KCNB2: variants seen among roughly 807,000 people sequenced by gnomAD.
KCNB2 encodes the protein potassium voltage-gated channel subfamily B member 2.
KCNB2 carries 15 observed loss-of-function variants against 61.5 expected under a neutral mutation model. That is an observed-to-expected ratio of 0.24 (90% CI 0.16 to 0.38). The LOEUF (loss-of-function observed/expected upper bound fraction) is 0.38. Among genes scored for constraint, KCNB2 ranks in the 10% least tolerant of loss-of-function variants. KCNB2 has a pLI of 1.00. For synonymous variants in KCNB2, 457 were observed against 446.0 expected, an observed-to-expected ratio of 1.02 and a Z score of -0.31; for missense variants, 828 against 1,125.2, an observed-to-expected ratio of 0.74 and a Z score of 3.78.
rs538105341 is a variant in KCNB2 at position 72,899,650 on chromosome 8, C to A, written c.580-36285C>A. Among the ~76,000 whole-genome samples the A allele has an allele frequency of 3.5e-5, 5 of 142,744 alleles. No homozygotes were observed. The South Asian group carries it at 1.1e-3, about 31-fold the overall frequency. 93.6% of individuals were successfully genotyped at this position (142,744 alleles called of 152,430 possible). On this transcript the variant is annotated intron_variant, in intron 2 of 2. Coordinates refer to ENST00000523207, the MANE Select transcript of KCNB2 (RefSeq NM_004770.3). Reference sequence around the variant, plus strand: ...CAATAGCCACAAAAGAATTGAAATACCTAGGAATATAGCTAACTAAAGGAG... The same window carrying A: ...CAATAGCCACAAAAGAATTGAAATAACTAGGAATATAGCTAACTAAAGGAG...
intron 2 of KCNB2, among the ~76,000 whole-genome samples, chr8:72,605,437 G>A (rs941405928): frequency 2.0e-5 from 3 of 152,084 alleles, no homozygotes; most frequent in African/African-American, 7.2e-5. Context: ...TTTTAACTAC[G>A]GGGAAAACCA....
At chr8:72,893,974 T>C (rs1462287769) in intron 2 of KCNB2, among the ~76,000 whole-genome samples, 1 of 152,194 alleles carries the variant, frequency 6.6e-6, no homozygotes, top group East Asian at 1.9e-4. Context: ...CCAAGCACTG[T>C]TCTGGGCACA....
intron 2 of KCNB2, among the ~76,000 whole-genome samples, chr8:72,675,517 G>A (rs1806638843): frequency 7.7e-6 from 1 of 130,268 alleles, no homozygotes; most frequent in East Asian, 2.1e-4. Flanking sequence ...ATCTGCAGTC[G>A]GATTTTTTTT....
intron 2 of KCNB2, among the ~76,000 whole-genome samples, chr8:72,933,079 G>A (rs1351741958): frequency 2.6e-5 from 4 of 152,164 alleles, no homozygotes; most frequent in African/African-American, 7.2e-5. Context: ...TTTCTTTAAC[G>A]TGAATATGGA....
chr8:72,785,989 CA>C (rs1808840096), intron 2 of KCNB2, among the ~76,000 whole-genome samples: 1 of 144,424 alleles, frequency 6.9e-6, no homozygotes, highest in African/African-American at 2.6e-5. Context: ...ACAGAAAGGT[CA>C]ATAGTTCTCT....
intron 2 of KCNB2, among the ~76,000 whole-genome samples, chr8:72,744,077 C>T (rs147934191): frequency 1.1e-4 from 16 of 151,922 alleles, no homozygotes; most frequent in African/African-American, 3.6e-4. Flanking sequence ...AAAAAGAAAC[C>T]AGCCTTTTAT....
chr8:72,584,466 T>C (rs1806965036), intron 2 of KCNB2, among the ~76,000 whole-genome samples: 1 of 152,116 alleles, frequency 6.6e-6, no homozygotes, highest in Non-Finnish European at 1.5e-5. Flanking sequence ...TGTTTGATTA[T>C]GGAACAGAGA....
intron 2 of KCNB2, among the ~76,000 whole-genome samples, chr8:72,902,427 G>T (rs1159979812): frequency 6.6e-6 from 1 of 152,044 alleles, no homozygotes; most frequent in African/African-American, 2.4e-5. Flanking sequence ...GTCATAGCAG[G>T]GTCCTGGTGG....
At chr8:72,900,999 C>T (rs1279329472) in intron 2 of KCNB2, among the ~76,000 whole-genome samples, 1 of 152,110 alleles carries the variant, frequency 6.6e-6, no homozygotes, top group Non-Finnish European at 1.5e-5. Context: ...TGGGTATATA[C>T]CCAAATAAAT....
rs1806499221 is a variant in KCNB2, at chr8:72,920,475, A to ATATATATATATGTGTGTG, written c.580-15449_580-15448insGTGTGTGTATATATATAT. On this transcript the variant is annotated intron_variant, in intron 2 of 2. Transcript: ENST00000523207. ...TATCTATCTATCTATCTATCTATCT[A>ATATATATATATGTGTGTG]TATATATATATATTAGCTGGCCATG... 3.4e-4 allele frequency among the ~76,000 whole-genome samples: 20 copies of ATATATATATATGTGTGTG among 58,344 alleles called. 4 individuals are homozygous for ATATATATATATGTGTGTG. Among genetic ancestry groups the ATATATATATATGTGTGTG allele is most frequent in the Non-Finnish European group, 5.2e-4 (12 of 23,006 alleles). The allele number at this position is 58,344 out of a possible 152,430, so 38.3% of individuals were successfully genotyped here.
At chr8:72,661,990 T>C (rs990017933) in intron 2 of KCNB2, among the ~76,000 whole-genome samples, 1 of 152,254 alleles carries the variant, frequency 6.6e-6, no homozygotes, top group Non-Finnish European at 1.5e-5. Flanking sequence ...ACTAAAGGCC[T>C]CAAATTTCTT....
intron 2 of KCNB2, among the ~76,000 whole-genome samples, chr8:72,787,143 A>G (rs1808856220): frequency 6.6e-6 from 1 of 152,082 alleles, no homozygotes; most frequent in African/African-American, 2.4e-5. Flanking sequence ...AACAGGAAAC[A>G]CTCCATGAAA....
intron 2 of KCNB2, among the ~76,000 whole-genome samples, chr8:72,600,489 T>A (rs893612989): frequency 2.0e-5 from 3 of 152,016 alleles, no homozygotes; most frequent in Non-Finnish European, 4.4e-5. Flanking sequence ...ATATACCTAA[T>A]GCTAAATGAC....
intron 1 of KCNB2, among the ~76,000 whole-genome samples, chr8:72,561,723 A>ATATATC (rs1285487848): frequency 6.3e-5 from 2 of 31,774 alleles, no homozygotes; most frequent in Admixed American, 4.3e-4. Flanking sequence ...ATATATATAT[A>ATATATC]TATATCTATA....
intron 2 of KCNB2, among the ~76,000 whole-genome samples, chr8:72,739,503 A>G (rs993233795): frequency 2.6e-5 from 4 of 152,040 alleles, no homozygotes; most frequent in Non-Finnish European, 4.4e-5. Context: ...AAGACTTCTT[A>G]GAGGAGAAAA....
chr8:72,706,927 T>C (rs981524456), intron 2 of KCNB2, among the ~76,000 whole-genome samples: 1 of 152,254 alleles, frequency 6.6e-6, no homozygotes, highest in African/African-American at 2.4e-5. Flanking sequence ...TGACTGGTTC[T>C]CTGCTGAATT....
Position 72,830,227 on chromosome 8 carries a change from CAAAAAA to C in KCNB2, c.580-105690_580-105685del, listed in dbSNP as rs543474001. ...AGCTGAAAAATGTCTTCATATTTTC[CAAAAAA>C]AAAAAAAAAAAAAAAAAGCAGGGAG... On this transcript the variant is annotated intron_variant, in intron 2 of 2. Transcript: ENST00000523207. 3.0e-3 allele frequency among the ~76,000 whole-genome samples: 251 copies of C among 83,452 alleles called. 1 individual carries two copies. The highest frequency in any genetic ancestry group is 7.9e-3 in the Middle Eastern group (1 of 126). 54.7% of individuals were successfully genotyped at this position (83,452 alleles called of 152,430 possible).
intron 2 of KCNB2, among the ~76,000 whole-genome samples, chr8:72,645,576 G>A (rs140252340): frequency 1.5e-3 from 226 of 152,154 alleles, no homozygotes; most frequent in African/African-American, 4.7e-3. Flanking sequence ...CAGAGCTACC[G>A]GGCTCCTATT....
intron 2 of KCNB2, among the ~76,000 whole-genome samples, chr8:72,691,072 C>T (rs1806933029): frequency 6.6e-6 from 1 of 152,156 alleles, no homozygotes; most frequent in African/African-American, 2.4e-5. Context: ...TTCGACTCCC[C>T]CAGGCTAAGA....
Sources: allele counts gnomAD v4.1 joint callset (sites outside exome capture counted in the v4.1 genomes callset), GRCh38; gene constraint gnomAD v4.1.1; transcripts MANE v1.5; gene names NCBI Gene and HGNC (gene_info 2026-07-23, HGNC 2026-07-21).